The following ENDOU variants were observed in gnomAD, a reference collection of about 807,000 sequenced individuals.
ENDOU encodes uridylate-specific endoribonuclease.
In ENDOU, 49 loss-of-function variants were observed where a neutral mutation model predicts 54.2. That is an observed-to-expected ratio of 0.90 (90% confidence interval 0.72 to 1.15). The LOEUF is 1.15. Ranked by LOEUF, ENDOU falls within the 50% of genes most tolerant of loss-of-function variation. ENDOU has a pLI of 0.00. For missense variants in ENDOU, 458 were observed against 511.4 expected (o/e 0.90, Z 1.01); for synonymous variants, 172 against 190.5 (o/e 0.90, Z 0.80).
At chr12:47,718,251 G>C in intron 2 of ENDOU, 57 bp from the exon 3 acceptor site, 1 of 1,471,432 alleles carries the variant, frequency 6.8e-7, no homozygotes, top group Non-Finnish European at 9.3e-7. Context: ...CCTGCTGCTT[G>C]GTTTCTGGTT....
intron 1 of ENDOU, among the ~76,000 whole-genome samples, chr12:47,724,909 G>A (rs1454211223): frequency 1.3e-5 from 2 of 152,026 alleles, no homozygotes; most frequent in Non-Finnish European, 2.9e-5. Context: ...ACCTCCTAAG[G>A]CTCTACCCAA....
At chr12:47,714,476 T>A (rs1248745014) in intron 6 of ENDOU, among the ~76,000 whole-genome samples, 1 of 152,198 alleles carries the variant, frequency 6.6e-6, no homozygotes, top group African/African-American at 2.4e-5. Flanking sequence ...TTGATGGGGC[T>A]TAGATGGTGG....
chr12:47,714,597 T>G (rs1170634808), intron 6 of ENDOU, among the ~76,000 whole-genome samples: 1 of 152,170 alleles, frequency 6.6e-6, no homozygotes, highest in Admixed American at 6.5e-5. Flanking sequence ...AACTTTGAGG[T>G]AAAGAGAACA....
At position 47,725,417 on chromosome 12, in the gene ENDOU, G is replaced by A. The variant is rs375691365; in HGVS notation, c.-4C>T. The stretch of plus-strand genomic sequence containing the variant: ...CCAGGGAGATGCAGGCCCTCATGGT[G>A]CCCAGTTGGAGGCCAAAAAGGGAGT... On this transcript the variant is annotated 5_prime_UTR_variant, in exon 1 of 10. Coordinates refer to ENST00000422538, the MANE Select transcript of ENDOU (RefSeq NM_001172439.2). 3.1e-6 allele frequency: 5 copies of A among 1,613,970 alleles called. No homozygotes were observed. In the African/African-American group the frequency reaches 6.7e-5, roughly 22 times the overall value.
At position 47,711,621 on chromosome 12, in the gene ENDOU, C is replaced by T; in HGVS notation, c.1115+12G>A. On this transcript the variant is annotated intron_variant, in intron 9 of 9. Coordinates refer to ENST00000422538, the MANE Select transcript of ENDOU (RefSeq NM_001172439.2). Reference sequence around the variant, plus strand: ...CCAGTCTGCCCCCAGGCCTGGCTGGCCCCATTCTTACACTTTGCCTGGCCT... The same window carrying T: ...CCAGTCTGCCCCCAGGCCTGGCTGGTCCCATTCTTACACTTTGCCTGGCCT... The T allele has an allele frequency of 1.2e-6, 2 of 1,611,618 alleles. No homozygotes were observed. Among genetic ancestry groups the T allele is most frequent in the African/African-American group, 1.3e-5 (1 of 75,020 alleles).
rs562722808 is a variant in ENDOU at position 47,718,007 on chromosome 12, A to G, written c.244+122T>C. 6.7e-6 allele frequency: 6 copies of G among 895,484 alleles called. No individual in the cohort carries two copies. In the Admixed American group the frequency reaches 1.2e-4, roughly 18 times the overall value. The allele number at this position is 895,484 out of a possible 1,614,324, so 55.5% of individuals were successfully genotyped here. A position where few individuals can be genotyped will look rare whatever the true frequency, so the allele number is the denominator to read the frequency against. ...TTCCTGCCCAGGTTCCCAGAATCCA[A>G]CAAGCCTCTCTCATCTGGCTGAGGC... On this transcript the variant is annotated intron_variant, in intron 3 of 9. Transcript: ENST00000422538.
chr12:47,719,006 C>G (rs1940349280), intron 2 of ENDOU: 1 of 152,232 alleles, frequency 6.6e-6, no homozygotes, highest in Non-Finnish European at 1.5e-5. Context: ...CAAACATCTT[C>G]TGATCACTTA....
Position 47,711,699 on chromosome 12 carries a change from A to T in ENDOU, c.1049T>A (p.Ile350Asn), listed in dbSNP as rs1384604663. The part of the protein sequence containing the change: ...GYYKEVGSAF[I>N]GSSPEFEFAL... ...AAACTCAAACTCAGGGCTGCTGCCG[A>T]TGAAAGCAGAGCCCACTTCCTTATA... The change falls in exon 9 of 10, where the codon ATC becomes AAC. Residue 350 changes from isoleucine (I) to asparagine (N), a missense_variant. Physicochemically the swap from Ile to Asn is moderately radical, Grantham distance 149. Coordinates refer to ENST00000422538, the MANE Select transcript of ENDOU (RefSeq NM_001172439.2). 1.2e-6 allele frequency: 2 copies of T among 1,614,108 alleles called. No homozygotes were observed. Among genetic ancestry groups the T allele is most frequent in the Non-Finnish European group, 1.7e-6 (2 of 1,180,046 alleles).
rs369732418 is a variant in ENDOU, at chr12:47,710,793, G to T, written c.*9C>A. ...GAGCCCTCATGCCCCTTTCTGGCTC[G>T]AAGTTCTATTAGGTGGAAGACACTA... On this transcript the variant is annotated 3_prime_UTR_variant, in exon 10 of 10. Coordinates refer to ENST00000422538, the MANE Select transcript of ENDOU (RefSeq NM_001172439.2). 1 of 1,599,520 alleles carries T rather than the reference G, an allele frequency of 6.3e-7. No individual in the cohort carries two copies. The highest frequency in any genetic ancestry group is 8.6e-7 in the Non-Finnish European group (1 of 1,166,752).
At chr12:47,725,291 A>C in intron 1 of ENDOU, 68 bp downstream of exon 1, 1 of 1,568,476 alleles carries the variant, frequency 6.4e-7, no homozygotes, top group Non-Finnish European at 8.8e-7. Flanking sequence ...CAAGTTCTCC[A>C]ACTCTCTGCT....
At chr12:47,713,112 A>AC (rs34106406) in intron 7 of ENDOU, among the ~76,000 whole-genome samples, 163 bp downstream of exon 7, 20 of 150,024 alleles carry the variant, frequency 1.3e-4, no homozygotes, top group Admixed American at 5.3e-4. Flanking sequence ...CTCCTCAGAC[A>AC]CCCCCCCGCC....
At chr12:47,713,752 G>GA (rs397939678) in intron 6 of ENDOU, among the ~76,000 whole-genome samples, 1 of 134,420 alleles carries the variant, frequency 7.4e-6, no homozygotes, top group Admixed American at 7.4e-5. Context: ...GGGGGGGGGG[G>GA]TCTTCTAGAA....
At chr12:47,714,651 G>T (rs1940160120) in intron 6 of ENDOU, among the ~76,000 whole-genome samples, 2 of 152,222 alleles carry the variant, frequency 1.3e-5, no homozygotes, top group African/African-American at 4.8e-5. Context: ...AACCGGATGG[G>T]TTATGCCCGC....
At chr12:47,712,358 TG>T (rs1432982832) in intron 8 of ENDOU, among the ~76,000 whole-genome samples, 157 bp downstream of exon 8, 3 of 152,194 alleles carry the variant, frequency 2.0e-5, no homozygotes, top group Admixed American at 1.3e-4. Context: ...GTGTCCTGGC[TG>T]GCTAAAGTGG....
chr12:47,718,236 A>C (rs1360650263), intron 2 of ENDOU, 42 bp from the exon 3 acceptor site: 1 of 1,513,502 alleles, frequency 6.6e-7, no homozygotes, highest in Non-Finnish European at 9.0e-7. Context: ...CAACCTGAGA[A>C]TTCCCCTGCT....
intron 1 of ENDOU, among the ~76,000 whole-genome samples, chr12:47,721,507 C>A (rs1006537930): frequency 6.6e-6 from 1 of 152,164 alleles, no homozygotes; most frequent in African/African-American, 2.4e-5. Flanking sequence ...TTGCTCTTGT[C>A]TCCCCTTCTG....
At chr12:47,713,451 CAG>C in intron 6 of ENDOU, 63 bp from the exon 7 acceptor site, 1 of 1,122,358 alleles carries the variant, frequency 8.9e-7, no homozygotes, top group Non-Finnish European at 1.4e-6. Context: ...GAGCGCTAAA[CAG>C]AGACCTGAAG....
chr12:47,721,810 G>A (rs914245747), intron 1 of ENDOU, among the ~76,000 whole-genome samples: 3 of 152,152 alleles, frequency 2.0e-5, no homozygotes, highest in South Asian at 2.1e-4. Context: ...GTCTTTGTTC[G>A]ATTTGAGGTT....
chr12:47,712,917 G>T (rs1490269524), intron 7 of ENDOU, among the ~76,000 whole-genome samples: 1 of 152,128 alleles, frequency 6.6e-6, no homozygotes, highest in African/African-American at 2.4e-5. Flanking sequence ...GGGTAGAATA[G>T]GGGGGAACAG....
Sources: allele counts gnomAD v4.1 joint callset (sites outside exome capture counted in the v4.1 genomes callset), GRCh38; gene constraint gnomAD v4.1.1; transcripts MANE v1.5; gene names NCBI Gene and HGNC (gene_info 2026-07-23, HGNC 2026-07-21).